The following OPN4 variants were observed in gnomAD, a reference collection of about 807,000 sequenced individuals.
OPN4 encodes melanopsin.
In OPN4, 43 loss-of-function variants were observed where a neutral mutation model predicts 49.5. The ratio of observed to expected loss-of-function variants is 0.87; its 90% CI spans 0.68 to 1.12. The LOEUF is 1.12. Among genes scored for constraint, OPN4 ranks in the 50% most tolerant of loss-of-function variants. The pLI is 0.00. For synonymous variants in OPN4, 263 were observed against 258.0 expected (o/e 1.02, Z -0.19); for missense variants, 657 against 643.9 (o/e 1.02, Z -0.22).
At chr10:86,657,952 C>A in intron 2 of OPN4, 80 bp from the exon 3 acceptor site, 1 of 1,464,736 alleles carries the variant, frequency 6.8e-7, no homozygotes, top group Non-Finnish European at 9.3e-7. Flanking sequence ...TGTGCACATG[C>A]ATACCTGAGG....
At chr10:86,660,460 TGACATC>T in intron 6 of OPN4, among the ~76,000 whole-genome samples, 2 of 152,308 alleles carry the variant, frequency 1.3e-5, no homozygotes, top group South Asian at 4.1e-4. Flanking sequence ...CTGGGGATTG[TGACATC>T]TGCAGCAGCA....
chr10:86,664,264 C>T (rs1234161924), intron 9 of OPN4, among the ~76,000 whole-genome samples: 1 of 152,198 alleles, frequency 6.6e-6, no homozygotes, highest in Non-Finnish European at 1.5e-5. Flanking sequence ...CTGCTTTAAG[C>T]TGTGCATGTG....
intron 1 of OPN4, among the ~76,000 whole-genome samples, chr10:86,655,845 A>C (rs1417435399): frequency 1.3e-5 from 2 of 152,142 alleles, no homozygotes; most frequent in Admixed American, 1.3e-4. Context: ...AAGGAAAGAT[A>C]GGGTGACCAG....
chr10:86,658,625 T>C lies in OPN4; in HGVS notation c.566T>C (p.Phe189Ser). Residue 189 changes from phenylalanine (F) to serine (S), a missense_variant, in exon 4 of 10, where the codon TTT becomes TCT. Coordinates refer to ENST00000241891, the MANE Select transcript of OPN4 (RefSeq NM_033282.4). ...FGVASKRRAA[F>S]VLLGVWLYAL... Reference sequence around the variant, plus strand: ...GTGGCGTCCAAGAGGCGTGCGGCATTTGTCCTGCTGGGCGTTTGGCTCTAT... The same window carrying C: ...GTGGCGTCCAAGAGGCGTGCGGCATCTGTCCTGCTGGGCGTTTGGCTCTAT... 1 of 1,614,120 alleles carries C rather than the reference T, an allele frequency of 6.2e-7. No individual in the cohort carries two copies. Among genetic ancestry groups the C allele is most frequent in the Middle Eastern group, 1.6e-4 (1 of 6,062 alleles).
In OPN4 at chr10:86,654,879, C is replaced by T; in HGVS notation, c.96C>T (p.Ser32=). The change falls in exon 1 of 10, where the codon TCC becomes TCT. Residue 32 remains serine (S), a synonymous_variant. Coordinates refer to ENST00000241891, the MANE Select transcript of OPN4 (RefSeq NM_033282.4). ...TPAPPSWWDS[S]QSSISSLGRL... is the part of the protein sequence containing the mutation. ...CACCACCCAGCTGGTGGGACAGCTC[C>T]CAGAGCAGCATCTCCAGCCTGGGCC... 1 of 1,614,012 alleles carries T rather than the reference C, an allele frequency of 6.2e-7. No individual in the cohort carries two copies. Among genetic ancestry groups the T allele is most frequent in the Non-Finnish European group, 8.5e-7 (1 of 1,180,020 alleles).
intron 4 of OPN4, 49 bp downstream of exon 4, chr10:86,658,736 C>CACATTCAA (rs761210126): frequency 1.3e-6 from 2 of 1,588,766 alleles, no homozygotes; most frequent in Non-Finnish European, 1.7e-6. Context: ...CTGGGAGGGG[C>CACATTCAA]ACATTCAAGG....
chr10:86,659,467 C>T lies in OPN4; in HGVS notation c.799C>T (p.Arg267Trp), dbSNP rs201905519. Residue 267 changes from arginine to tryptophan, a missense_variant and splice_region_variant, in exon 5 of 10, where the codon CGG becomes TGG. By Grantham distance (101) the Arg-to-Trp change is moderately radical (BLOSUM62 -3). Transcript: ENST00000241891. Reference sequence around the variant, plus strand: ...CTTCAGGGCCATCCGGGAGACAGGACGGTAAGAGCCGAGCATGGAGGGGGG... The same window carrying T: ...CTTCAGGGCCATCCGGGAGACAGGATGGTAAGAGCCGAGCATGGAGGGGGG... ...FIFRAIRETGRALQTFGACKG... is the reference protein window; with the variant it reads ...FIFRAIRETGWALQTFGACKG... 18 of 1,613,466 alleles carry T rather than the reference C, an allele frequency of 1.1e-5. No individual in the cohort carries two copies. The East Asian group carries it at 1.3e-4, about 12-fold the overall frequency.
chr10:86,655,500 A>G (rs1208885936), intron 1 of OPN4, among the ~76,000 whole-genome samples: 3 of 152,202 alleles, frequency 2.0e-5, no homozygotes, highest in Non-Finnish European at 4.4e-5. Context: ...TCTCTTCCCC[A>G]GAAAGGGGTT....
At chr10:86,657,322 G>A in intron 2 of OPN4, 1 of 743,948 alleles carries the variant, frequency 1.3e-6, no homozygotes, top group Non-Finnish European at 2.5e-6. Flanking sequence ...CATCTTGTCT[G>A]GAAAATGGGG....
chr10:86,665,718 G>A lies in OPN4; in HGVS notation c.1404G>A (p.Lys468=). The A allele has an allele frequency of 6.2e-7, 1 of 1,613,534 alleles. No individual in the cohort carries two copies. The highest frequency in any genetic ancestry group is 8.5e-7 in the Non-Finnish European group (1 of 1,179,612). Reference sequence around the variant, plus strand: ...TGTGTGCTGTTTGTTTGCAGACCAAGGGGCTGATCCCCAGCCAGGACCCCA... The same window carrying A: ...TGTGTGCTGTTTGTTTGCAGACCAAAGGGCTGATCCCCAGCCAGGACCCCA... ...GHEAETPGKT[K]GLIPSQDPRM Residue 468 remains lysine, a synonymous_variant, in exon 10 of 10, where the codon AAG becomes AAA. Coordinates refer to ENST00000241891, the MANE Select transcript of OPN4 (RefSeq NM_033282.4).
intron 8 of OPN4, among the ~76,000 whole-genome samples, chr10:86,663,324 T>A (rs1844061458): frequency 6.6e-6 from 1 of 152,144 alleles, no homozygotes; most frequent in East Asian, 1.9e-4. Context: ...TGTAAACCAC[T>A]GTAGTGAATA....
rs202063349 is a variant in OPN4, at chr10:86,658,488, C to A, written c.429C>A (p.Cys143Ter). The A allele has an allele frequency of 4.3e-6, 7 of 1,613,964 alleles. No individual in the cohort carries two copies. Among genetic ancestry groups the A allele is most frequent in the Non-Finnish European group, 5.9e-6 (7 of 1,180,010 alleles). The part of the protein sequence containing the change: ...YKQWLFGETG[C>*]EFYAFCGALF... ...GAGCAGGGGCTGTGCCCACAGGCTG[C>A]GAGTTCTATGCCTTCTGTGGAGCTC... Residue 143 changes from cysteine (C) to a stop codon, truncating the protein, a stop_gained, in exon 4 of 10, where the codon TGC becomes TGA. Coordinates refer to ENST00000241891, the MANE Select transcript of OPN4 (RefSeq NM_033282.4). LOFTEE classifies it high-confidence loss of function.
chr10:86,661,087 A>C (rs1589589574), intron 6 of OPN4, among the ~76,000 whole-genome samples, 194 bp from the exon 7 acceptor site: 1 of 151,902 alleles, frequency 6.6e-6, no homozygotes, highest in Non-Finnish European at 1.5e-5. Context: ...AGATCACACC[A>C]CTGCCACTCC....
Position 86,663,772 on chromosome 10 carries a change from C to A in OPN4, c.1368C>A (p.Pro456=), listed in dbSNP as rs1589592052. 2 of 1,558,378 alleles carry A rather than the reference C, an allele frequency of 1.3e-6. No homozygotes were observed. Among genetic ancestry groups the A allele is most frequent in the Non-Finnish European group, 1.7e-6 (2 of 1,151,340 alleles). ...EDLEAKAPPR[P]QGHEAETPGK... ...TGGAAGCCAAGGCACCCCCCAGACC[C>A]CAGGGACACGAAGCAGAGACTCCAG... Residue 456 remains proline, a synonymous_variant, in exon 9 of 10, where the codon CCC becomes CCA. Transcript: ENST00000241891.
chr10:86,656,855 A>G (rs2675699), intron 2 of OPN4, among the ~76,000 whole-genome samples: 111,763 of 151,056 alleles, frequency 0.74, 41,696 homozygotes, highest in African/African-American at 0.82. Flanking sequence ...TGAGGCAGGA[A>G]AATCGCCTAA....
intron 1 of OPN4, 27 bp from the exon 2 acceptor site, chr10:86,656,128 T>C (rs1564619157): frequency 1.2e-6 from 2 of 1,613,886 alleles, no homozygotes; most frequent in East Asian, 2.2e-5. Flanking sequence ...GATAACATGA[T>C]TCCCTCGTTT....
At chr10:86,663,551 G>T (rs902301818) in intron 8 of OPN4, 108 bp from the exon 9 acceptor site, 11 of 1,066,854 alleles carry the variant, frequency 1.0e-5, no homozygotes, top group Non-Finnish European at 2.5e-6. Flanking sequence ...GGGGCCTCCC[G>T]CAATGAATAC....
rs1169267917 is a variant in OPN4 at position 86,656,176 on chromosome 10, GC to G, written c.168del (p.Trp57GlyfsTer20). 6.2e-7 allele frequency: 1 copy of G among 1,614,202 alleles called. No homozygotes were observed. Among genetic ancestry groups the G allele is most frequent in the East Asian group, 2.2e-5 (1 of 44,886 alleles). ...GCAGGCACCTGGGACTTGGGCTGCTGCCTGGGTCCCCCTCCCCACGGTTGAT... is the reference window on the plus strand; with the variant it reads ...GCAGGCACCTGGGACTTGGGCTGCTGCTGGGTCCCCCTCCCCACGGTTGAT... ...SPTAPGTWAA[A>X]WVPLPTVDVP... On this transcript the variant is annotated frameshift_variant, in exon 2 of 10. Coordinates refer to ENST00000241891, the MANE Select transcript of OPN4 (RefSeq NM_033282.4). LOFTEE classifies it high-confidence loss of function.
intron 2 of OPN4, among the ~76,000 whole-genome samples, chr10:86,656,977 G>A: frequency 6.7e-6 from 1 of 149,988 alleles, no homozygotes; most frequent in Non-Finnish European, 1.5e-5. Flanking sequence ...GAGCAGCCCT[G>A]GGGACCAGCA....
Sources: gnomAD v4.1 joint callset for allele counts (sites outside exome capture counted in the v4.1 genomes callset) on GRCh38, gnomAD v4.1.1 for gene constraint, MANE v1.5 for transcripts, NCBI Gene and HGNC (gene_info 2026-07-23, HGNC 2026-07-21) for gene names.